The following ABRAXAS2 variants were observed in gnomAD, a reference collection of about 807,000 sequenced individuals.
The protein encoded by ABRAXAS2 is BRISC complex subunit Abraxas 2.
A neutral mutation model predicts 49.0 loss-of-function variants in ABRAXAS2; 23 were observed. The ratio of observed to expected loss-of-function variants is 0.47; its 90% CI spans 0.34 to 0.66. ABRAXAS2 has a LOEUF of 0.66. ABRAXAS2 is among the 30% of genes least tolerant of loss of function. The pLI is 0.01. For missense variants in ABRAXAS2, 443 were observed against 511.9 expected (o/e 0.87, Z 1.30); for synonymous variants, 168 against 180.2 (o/e 0.93, Z 0.54).
At chr10:124,831,156 T>C (rs1236358270) in intron 7 of ABRAXAS2, among the ~76,000 whole-genome samples, 193 bp from the exon 8 acceptor site, 2 of 152,226 alleles carry the variant, frequency 1.3e-5, no homozygotes, top group Admixed American at 1.3e-4. Context: ...ATAATCATCT[T>C]AAAATTAAAG....
chr10:124,825,503 C>A (rs2134169588), intron 4 of ABRAXAS2, among the ~76,000 whole-genome samples: 1 of 152,164 alleles, frequency 6.6e-6, no homozygotes, highest in Non-Finnish European at 1.5e-5. Context: ...ATGATATGAA[C>A]TCAATGGAGA....
chr10:124,815,243 G>A (rs1950815858), intron 2 of ABRAXAS2, among the ~76,000 whole-genome samples: 1 of 151,940 alleles, frequency 6.6e-6, no homozygotes, highest in African/African-American at 2.4e-5. Context: ...CACCCAGGCT[G>A]GAGTGCAGTG....
chr10:124,835,233 G>A lies in ABRAXAS2; in HGVS notation c.*262G>A. The A allele has an allele frequency of 3.1e-6, 1 of 317,886 alleles. No individual in the cohort carries two copies. The allele number at this position is 317,886 out of a possible 1,614,324, so 19.7% of individuals were successfully genotyped here. ...ATTCATGGATATACTGGTAAATTTA[G>A]GCAAAGTGAAACTTATCAGCGTAGT... On this transcript the variant is annotated 3_prime_UTR_variant, in exon 9 of 9. Transcript: ENST00000298492.
At position 124,816,871 on chromosome 10, in the gene ABRAXAS2, A is replaced by C. The variant is rs561304805; in HGVS notation, c.200+259A>C. ...GCTCTTCAATTATAGAGAAAAAGTT[A>C]ATCAACATAAAATAATTCAAAGGAT... is the stretch of plus-strand genomic sequence containing the variant. On this transcript the variant is annotated intron_variant, in intron 3 of 8. Transcript: ENST00000298492. Among the ~76,000 whole-genome samples the C allele has an allele frequency of 2.6e-5, 4 of 152,318 alleles. No homozygotes were observed. The South Asian group carries it at 8.3e-4, about 32-fold the overall frequency.
chr10:124,809,151 GA>G (rs1388912666), intron 2 of ABRAXAS2, among the ~76,000 whole-genome samples: 2 of 151,832 alleles, frequency 1.3e-5, no homozygotes, highest in Non-Finnish European at 2.9e-5. Context: ...AAAAGAAAAA[GA>G]AAAAAAGAAA....
chr10:124,833,009 G>A (rs1950943516), intron 8 of ABRAXAS2, among the ~76,000 whole-genome samples: 1 of 151,648 alleles, frequency 6.6e-6, no homozygotes, highest in Non-Finnish European at 1.5e-5. Flanking sequence ...AGCTGGGCGT[G>A]GTGGCAGGCA....
intron 3 of ABRAXAS2, among the ~76,000 whole-genome samples, chr10:124,818,694 T>C (rs1019820099): frequency 1.3e-4 from 20 of 152,244 alleles, no homozygotes; most frequent in Admixed American, 3.9e-4. Context: ...CCCAAGCCCA[T>C]GTCCAGTAGT....
At chr10:124,810,957 C>T (rs543311454) in intron 2 of ABRAXAS2, among the ~76,000 whole-genome samples, 9 of 150,592 alleles carry the variant, frequency 6.0e-5, no homozygotes, top group East Asian at 2.0e-4. Context: ...TGGTGGCTCA[C>T]GCCTGTAATC....
chr10:124,813,587 T>G (rs1317480539), intron 2 of ABRAXAS2, among the ~76,000 whole-genome samples: 3 of 152,350 alleles, frequency 2.0e-5, no homozygotes, highest in Admixed American at 2.0e-4. Flanking sequence ...AGCCCCTGCC[T>G]GCTTCCAGAG....
At chr10:124,830,213 G>C (rs531968423) in intron 7 of ABRAXAS2, among the ~76,000 whole-genome samples, 1 of 152,250 alleles carries the variant, frequency 6.6e-6, no homozygotes, top group Non-Finnish European at 1.5e-5. Flanking sequence ...GGGAGGCCTA[G>C]GCAAGAGGGT....
intron 2 of ABRAXAS2, among the ~76,000 whole-genome samples, chr10:124,813,099 G>T (rs1950800467): frequency 6.6e-6 from 1 of 152,194 alleles, no homozygotes; most frequent in South Asian, 2.1e-4. Context: ...TACTTGGGAG[G>T]CTGAAGTACG....
At chr10:124,805,304 G>A (rs535296967) in intron 1 of ABRAXAS2, among the ~76,000 whole-genome samples, 3 of 149,418 alleles carry the variant, frequency 2.0e-5, no homozygotes, top group African/African-American at 2.5e-5. Flanking sequence ...ACTGCAGTCC[G>A]CAGTCCGGCC....
intron 2 of ABRAXAS2, among the ~76,000 whole-genome samples, chr10:124,814,619 G>C (rs1589804930): frequency 6.6e-6 from 1 of 152,082 alleles, no homozygotes; most frequent in South Asian, 2.1e-4. Flanking sequence ...GGGATTACAG[G>C]TGTGAGCTAC....
chr10:124,808,910 C>G (rs958133069), intron 2 of ABRAXAS2, among the ~76,000 whole-genome samples: 1 of 152,256 alleles, frequency 6.6e-6, no homozygotes, highest in South Asian at 2.1e-4. Flanking sequence ...TTGGGCGGAT[C>G]GCCCGAGGTT....
At chr10:124,829,642 G>A (rs1013342351) in intron 7 of ABRAXAS2, among the ~76,000 whole-genome samples, 165 bp downstream of exon 7, 26 of 152,162 alleles carry the variant, frequency 1.7e-4, no homozygotes, top group African/African-American at 3.9e-4. Context: ...GATTCATGCC[G>A]TCTCGCAGAA....
chr10:124,804,301 G>A (rs1381755764), intron 1 of ABRAXAS2, among the ~76,000 whole-genome samples: 2 of 152,084 alleles, frequency 1.3e-5, no homozygotes, highest in Admixed American at 6.6e-5. Flanking sequence ...CAGTTAATTT[G>A]AATTTTAGAT....
chr10:124,819,458 C>T lies in ABRAXAS2; in HGVS notation c.267+8C>T, dbSNP rs371236649. The T allele has an allele frequency of 2.5e-6, 4 of 1,612,554 alleles. No homozygotes were observed. The African/African-American group carries it at 5.3e-5, about 22-fold the overall frequency. On this transcript the variant is annotated splice_region_variant and intron_variant, in intron 4 of 8. Transcript: ENST00000298492. ...CTTAAAGATCGGAGAAAGGTATGTT[C>T]TGTTTGTTGCCCAGTATGATTCTGA...
At chr10:124,826,868 C>T (rs948399279) in intron 5 of ABRAXAS2, 83 bp downstream of exon 5, 3 of 1,319,634 alleles carry the variant, frequency 2.3e-6, no homozygotes, top group Non-Finnish European at 3.2e-6. Context: ...AATCCCAGCA[C>T]TTTGGAAGGC....
intron 2 of ABRAXAS2, among the ~76,000 whole-genome samples, chr10:124,811,926 C>T (rs1005813804): frequency 3.3e-5 from 5 of 152,006 alleles, no homozygotes; most frequent in African/African-American, 1.2e-4. Flanking sequence ...TACAGGCATG[C>T]ACCACCATGA....
Sources: allele counts gnomAD v4.1 joint callset (sites outside exome capture counted in the v4.1 genomes callset), GRCh38; gene constraint gnomAD v4.1.1; transcripts MANE v1.5; gene names NCBI Gene and HGNC (gene_info 2026-07-23, HGNC 2026-07-21).